The following CHST9 variants were observed in gnomAD, a reference collection of about 807,000 sequenced individuals.
CHST9 encodes the protein GalNAc-4-sulfotransferase 2.
A neutral mutation model predicts 44.4 loss-of-function variants in CHST9; 41 were observed. The observed-to-expected ratio is 0.92, with a 90% CI of 0.72 to 1.20. The LOEUF (loss-of-function observed/expected upper bound fraction) is 1.20, where lower values mean the gene tolerates loss of function less well. Among genes scored for constraint, CHST9 ranks in the 50% most tolerant of loss-of-function variants. The pLI is 0.00. For missense variants in CHST9, 504 were observed against 516.5 expected, an observed-to-expected ratio of 0.98 and a Z score of 0.23; for synonymous variants, 171 against 178.4, an observed-to-expected ratio of 0.96 and a Z score of 0.33.
At chr18:26,955,206 G>C (rs1376828090) in intron 4 of CHST9, among the ~76,000 whole-genome samples, 2 of 148,602 alleles carry the variant, frequency 1.3e-5, no homozygotes, top group East Asian at 4.0e-4. Flanking sequence ...TCAATAACAG[G>C]AATTACACCA....
intron 3 of CHST9, among the ~76,000 whole-genome samples, chr18:27,043,766 A>C (rs1419317540): frequency 6.6e-6 from 1 of 151,992 alleles, no homozygotes; most frequent in Non-Finnish European, 1.5e-5. Context: ...ATGCAGATGG[A>C]TTCTGTAATT....
In CHST9 at chr18:27,091,258, G is replaced by C. The variant is rs563807955; in HGVS notation, c.122-42755C>G. On this transcript the variant is annotated intron_variant, in intron 2 of 5. Coordinates refer to ENST00000618847, the MANE Select transcript of CHST9 (RefSeq NM_031422.6). Reference sequence around the variant, plus strand: ...TTGGCTCTCTGTTTGTCTGTTAATGGTGTATAGGAATGCTTGTAATTTTTG... The same window carrying C: ...TTGGCTCTCTGTTTGTCTGTTAATGCTGTATAGGAATGCTTGTAATTTTTG... 4.4e-3 allele frequency among the ~76,000 whole-genome samples: 664 copies of C among 152,206 alleles called. 6 individuals carry two copies. The highest frequency in any genetic ancestry group is 0.015 in the African/African-American group (639 of 41,540).
At chr18:27,088,504 C>G (rs1438804791) in intron 2 of CHST9, among the ~76,000 whole-genome samples, 1 of 151,666 alleles carries the variant, frequency 6.6e-6, no homozygotes, top group Admixed American at 6.6e-5. Flanking sequence ...AAGAGATTCT[C>G]CTGCCTCAGC....
chr18:26,936,962 G>T (rs1330850284), intron 5 of CHST9, among the ~76,000 whole-genome samples: 17 of 152,140 alleles, frequency 1.1e-4, no homozygotes, highest in Admixed American at 9.2e-4. Context: ...CATACACAAT[G>T]ACACTGTTAT....
chr18:27,053,173 G>GAAGAAGAAGAAA (rs2057595079), intron 2 of CHST9, among the ~76,000 whole-genome samples: 1 of 146,070 alleles, frequency 6.8e-6, no homozygotes, highest in African/African-American at 2.5e-5. Context: ...AGAAGAAGAA[G>GAAGAAGAAGAAA]AAGAAGAAGA....
chr18:27,171,014 G>A (rs1047795044), intron 1 of CHST9, among the ~76,000 whole-genome samples: 4 of 152,218 alleles, frequency 2.6e-5, no homozygotes, highest in African/African-American at 9.6e-5. Context: ...TAGCTATGTA[G>A]TGGTCTCCCA....
intron 5 of CHST9, among the ~76,000 whole-genome samples, chr18:26,943,696 G>C (rs2056118326): frequency 6.6e-6 from 1 of 152,148 alleles, no homozygotes. Context: ...ATATGCTTTT[G>C]GGGAAGGCCT....
intron 4 of CHST9, among the ~76,000 whole-genome samples, chr18:26,980,937 A>G (rs932061015): frequency 6.6e-6 from 1 of 152,202 alleles, no homozygotes; most frequent in Non-Finnish European, 1.5e-5. Flanking sequence ...CTTAAAGAAT[A>G]TATGTGCTTT....
At position 26,915,779 on chromosome 18, in the gene CHST9, C is replaced by T; in HGVS notation, c.*480G>A. The T allele has an allele frequency of 6.5e-6, 1 of 153,132 alleles. No homozygotes were observed. The highest frequency in any genetic ancestry group is 1.5e-5 in the Non-Finnish European group (1 of 68,620). The allele number at this position is 153,132 out of a possible 1,614,324, so 9.5% of individuals were successfully genotyped here. On this transcript the variant is annotated 3_prime_UTR_variant, in exon 6 of 6. Coordinates refer to ENST00000618847, the MANE Select transcript of CHST9 (RefSeq NM_031422.6). ...TAAAATGCCTAAGTCCAAAATATCACTTCAAAATGGATTTATCATTATAGT... is the reference window on the plus strand; with the variant it reads ...TAAAATGCCTAAGTCCAAAATATCATTTCAAAATGGATTTATCATTATAGT...
chr18:27,001,729 G>T (rs1445431439), intron 4 of CHST9, among the ~76,000 whole-genome samples: 1 of 152,142 alleles, frequency 6.6e-6, no homozygotes, highest in Non-Finnish European at 1.5e-5. Flanking sequence ...GGATAGGACA[G>T]AACTTAGTTA....
intron 2 of CHST9, among the ~76,000 whole-genome samples, chr18:27,060,491 C>A (rs770291687): frequency 1.1e-4 from 17 of 152,124 alleles, no homozygotes; most frequent in African/African-American, 3.4e-4. Context: ...GGAGTGGGTG[C>A]GGGTGAGCTC....
In CHST9 at chr18:27,138,512, A is replaced by T. The variant is rs2058536420; in HGVS notation, c.121+4177T>A. Among the ~76,000 whole-genome samples, 6 of 151,764 alleles carry T rather than the reference A, an allele frequency of 4.0e-5. No individual in the cohort carries two copies. The South Asian group carries it at 1.2e-3, about 32-fold the overall frequency. ...GGATCTAAGCCTTCATTTTTTTTTT[A>T]AACCTTACTCAGTCAAGGCACAAGC... On this transcript the variant is annotated intron_variant, in intron 2 of 5. Transcript: ENST00000618847.
chr18:26,919,127 A>G (rs901262001), intron 5 of CHST9, among the ~76,000 whole-genome samples: 2 of 152,044 alleles, frequency 1.3e-5, no homozygotes, highest in African/African-American at 4.8e-5. Context: ...ACCCACCCCC[A>G]TGATTCAATT....
At chr18:27,133,284 A>T (rs780950420) in intron 2 of CHST9, among the ~76,000 whole-genome samples, 1 of 152,244 alleles carries the variant, frequency 6.6e-6, no homozygotes, top group Non-Finnish European at 1.5e-5. Context: ...GATGTTAAAC[A>T]TCTATGTTGA....
intron 2 of CHST9, among the ~76,000 whole-genome samples, chr18:27,118,479 A>C (rs1229659934): frequency 6.6e-6 from 1 of 152,262 alleles, no homozygotes; most frequent in Non-Finnish European, 1.5e-5. Context: ...TTCATTTTAC[A>C]CATGAGAAAA....
intron 3 of CHST9, among the ~76,000 whole-genome samples, chr18:27,038,380 T>C (rs555518422): frequency 3.3e-5 from 5 of 152,202 alleles, no homozygotes; most frequent in African/African-American, 9.6e-5. Flanking sequence ...ACCCCGTCTG[T>C]ACTAAAAATA....
At chr18:27,032,805 G>A (rs1229021200) in intron 3 of CHST9, among the ~76,000 whole-genome samples, 2 of 152,142 alleles carry the variant, frequency 1.3e-5, no homozygotes, top group Non-Finnish European at 2.9e-5. Flanking sequence ...TTACATATAA[G>A]GTGAGAAAGG....
intron 2 of CHST9, among the ~76,000 whole-genome samples, chr18:27,136,930 T>C (rs979808171): frequency 6.6e-6 from 1 of 152,226 alleles, no homozygotes; most frequent in Non-Finnish European, 1.5e-5. Context: ...GGAAAATATA[T>C]AATGTAAACT....
chr18:26,999,473 A>G (rs2056923930), intron 4 of CHST9, among the ~76,000 whole-genome samples: 1 of 152,186 alleles, frequency 6.6e-6, no homozygotes, highest in African/African-American at 2.4e-5. Flanking sequence ...CTTGTGTTCC[A>G]AGCATGATAA....
Sources: gnomAD v4.1 joint callset for allele counts (sites outside exome capture counted in the v4.1 genomes callset) on GRCh38, gnomAD v4.1.1 for gene constraint, MANE v1.5 for transcripts, NCBI Gene and HGNC (gene_info 2026-07-23, HGNC 2026-07-21) for gene names.